The following MYBBP1A variants were observed in gnomAD, a reference collection of about 807,000 sequenced individuals.
MYBBP1A encodes the protein MYB binding protein 1a, also known as myb-binding protein 1A.
A neutral mutation model predicts 136.3 loss-of-function variants in MYBBP1A; 147 were observed. The observed-to-expected ratio is 1.08, with a 90% CI of 0.94 to 1.24. The LOEUF is 1.24. Among genes scored for constraint, MYBBP1A ranks in the 50% most tolerant of loss-of-function variants. MYBBP1A has a pLI of 0.00. For synonymous variants in MYBBP1A, 947 were observed against 735.8 expected (o/e 1.29, Z -4.65); for missense variants, 2,060 against 1,727.4 (o/e 1.19, Z -3.41).
rs761413942 is a variant in MYBBP1A at position 4,544,928 on chromosome 17, G to GACAGAGGC, written c.2311-15_2311-8dup. On this transcript the variant is annotated splice_region_variant and splice_polypyrimidine_tract_variant and intron_variant, in intron 17 of 25. Coordinates refer to ENST00000254718, the MANE Select transcript of MYBBP1A (RefSeq NM_014520.4). Reference sequence around the variant, plus strand: ...TCTCACTGTCCTCTCCACCCTGAGGGACAGAGGCCCAGCGGTCAGCCAGGC... The same window carrying GACAGAGGC: ...TCTCACTGTCCTCTCCACCCTGAGGGACAGAGGCACAGAGGCCCAGCGGTCAGCCAGGC... 127 of 1,596,236 alleles carry GACAGAGGC rather than the reference G, an allele frequency of 8.0e-5. No homozygotes were observed. In the African/African-American group the frequency reaches 1.6e-3, roughly 21 times the overall value.
rs1378500148 is a variant in MYBBP1A, at chr17:4,541,467, T to C, written c.3293A>G (p.His1098Arg). Residue 1098 changes from histidine (H) to arginine (R), a missense_variant, in exon 24 of 26, where the codon CAT (histidine) becomes CGT (arginine). Physicochemically the swap from His to Arg is conservative, Grantham distance 29. Transcript: ENST00000254718. ...CGGACTGGGCCCCCGCCTCACCTCA[T>C]GTTTGCAGGTCCTGAAGAGAACGTT... The part of the protein sequence containing the change: ...LLNVLFRTCK[H>R]EKLTLDLTVL... 3.1e-6 allele frequency: 5 copies of C among 1,612,732 alleles called. No individual in the cohort carries two copies. Among genetic ancestry groups the C allele is most frequent in the African/African-American group, 1.3e-5 (1 of 75,042 alleles).
Position 4,539,808 on chromosome 17 carries a change from TGCAGGTGTGCCATCCTCC to T in MYBBP1A, c.3576_3593del (p.Glu1193_Ala1198del). 1.2e-6 allele frequency: 2 copies of T among 1,611,910 alleles called. No homozygotes were observed. Among genetic ancestry groups the T allele is most frequent in the Non-Finnish European group, 1.7e-6 (2 of 1,179,974 alleles). On this transcript the variant is annotated inframe_deletion, in exon 26 of 26. Coordinates refer to ENST00000254718, the MANE Select transcript of MYBBP1A (RefSeq NM_014520.4). ...TGGGGGGCTGGCTCCCGCCGGTGGC[TGCAGGTGTGCCATCCTCC>T]GCTGGCGTGCCATCCTCTGACTTGC...
At chr17:4,543,533 C>T (rs1217463136) in intron 19 of MYBBP1A, among the ~76,000 whole-genome samples, 1 of 152,136 alleles carries the variant, frequency 6.6e-6, no homozygotes, top group African/African-American at 2.4e-5. Flanking sequence ...CCTCTGTGGC[C>T]CTGCAGGGCC....
chr17:4,550,967 G>A (rs1369579052), intron 8 of MYBBP1A, among the ~76,000 whole-genome samples: 1 of 152,244 alleles, frequency 6.6e-6, no homozygotes, highest in Non-Finnish European at 1.5e-5. Flanking sequence ...GGCTCCCAGT[G>A]GGATAGTGTC....
chr17:4,546,017 A>G, intron 13 of MYBBP1A, 75 bp from the exon 14 acceptor site: 1 of 1,381,362 alleles, frequency 7.2e-7, no homozygotes. Flanking sequence ...GGGGCTGGCC[A>G]AATGGCAGCA....
At chr17:4,553,944 A>G in intron 4 of MYBBP1A, 27 bp from the exon 5 acceptor site, 1 of 1,613,698 alleles carries the variant, frequency 6.2e-7, no homozygotes, top group South Asian at 1.1e-5. Context: ...GACAGAGGGT[A>G]TGAGCAGGGC....
chr17:4,543,888 TC>T (rs755269882), intron 19 of MYBBP1A, among the ~76,000 whole-genome samples: 1 of 142,460 alleles, frequency 7.0e-6, no homozygotes, highest in African/African-American at 2.8e-5. Context: ...CTCAGACCCT[TC>T]CCCACGCCAC....
At position 4,539,727 on chromosome 17, in the gene MYBBP1A, G is replaced by A. The variant is rs200782335; in HGVS notation, c.3675C>T (p.Asn1225=). Residue 1225 remains asparagine, a synonymous_variant, in exon 26 of 26, where the codon AAC becomes AAT. Transcript: ENST00000254718. ...CTGGACTCTTGGTGGTTGGCGTCCC[G>A]TTTGCCTGGGCTGGGACCTTAGCCT... ...RTKAKVPAQA[N]GTPTTKSPAP... 125 of 1,609,844 alleles carry A rather than the reference G, an allele frequency of 7.8e-5. No homozygotes were observed. Among genetic ancestry groups the A allele is most frequent in the Middle Eastern group, 1.6e-4 (1 of 6,070 alleles).
Position 4,544,766 on chromosome 17 carries a change from G to T in MYBBP1A, c.2466C>A (p.Arg822=), listed in dbSNP as rs368578952. ...NKLQKEKALR[R]DFQIRVLDLV... ...CCAGGCTCACCCGGATCTGGAAGTC[G>T]CGCCGCAGAGCCTTCTCCTTCTGCA... The change falls in exon 18 of 26, where the codon CGC becomes CGA. Residue 822 remains arginine (R), a synonymous_variant. Coordinates refer to ENST00000254718, the MANE Select transcript of MYBBP1A (RefSeq NM_014520.4). The T allele has an allele frequency of 2.0e-4, 309 of 1,572,248 alleles. 3 individuals carry two copies. The South Asian group carries it at 3.3e-3, about 17-fold the overall frequency.
chr17:4,547,920 C>T (rs780691638), intron 13 of MYBBP1A, 38 bp downstream of exon 13: 38 of 1,431,490 alleles, frequency 2.7e-5, no homozygotes, highest in Non-Finnish European at 3.4e-5. Context: ...TGCCATAGAA[C>T]CCCAGGCTCA....
In MYBBP1A at chr17:4,541,484, G is replaced by T. The variant is rs1394697696; in HGVS notation, c.3276C>A (p.Leu1092=). The T allele has an allele frequency of 6.2e-7, 1 of 1,613,512 alleles. No individual in the cohort carries two copies. Among genetic ancestry groups the T allele is most frequent in the Non-Finnish European group, 8.5e-7 (1 of 1,180,022 alleles). Residue 1092 remains leucine (L), a synonymous_variant, in exon 24 of 26, where the codon CTC becomes CTA. Transcript: ENST00000254718. ...TCACCTCATGTTTGCAGGTCCTGAA[G>T]AGAACGTTGAGCAGCTCCAGGGAGG... ...ALSSLELLNV[L]FRTCKHEKLT...
Position 4,539,174 on chromosome 17 carries a change from G to A in MYBBP1A, c.*241C>T. ...CACCAGAGCCCTGGACATGGCCCTG[G>A]AGCCAGGGTCCCAGCCCAGAACCGG... On this transcript the variant is annotated 3_prime_UTR_variant, in exon 26 of 26. Transcript: ENST00000254718. 1.4e-6 allele frequency: 2 copies of A among 1,454,384 alleles called. No homozygotes were observed. The highest frequency in any genetic ancestry group is 1.8e-6 in the Non-Finnish European group (2 of 1,113,090). 90.1% of individuals were successfully genotyped at this position (1,454,384 alleles called of 1,614,324 possible). A position where few individuals can be genotyped will look rare whatever the true frequency, so the allele number is the denominator to read the frequency against.
Position 4,554,287 on chromosome 17 carries a change from A to G in MYBBP1A, c.295-9T>C, listed in dbSNP as rs1302530008. On this transcript the variant is annotated splice_polypyrimidine_tract_variant and intron_variant, in intron 2 of 25. Transcript: ENST00000254718. ...TCAAAAGACTGTAACAGCTGCCAGG[A>G]GTTGTGTGGCAGGAGGAAGAGGGTT... The G allele has an allele frequency of 6.2e-7, 1 of 1,613,366 alleles. No homozygotes were observed. The highest frequency in any genetic ancestry group is 8.5e-7 in the Non-Finnish European group (1 of 1,179,468).
At chr17:4,545,200 A>T (rs1377203031) in intron 16 of MYBBP1A, 25 bp from the exon 17 acceptor site, 1 of 1,612,340 alleles carries the variant, frequency 6.2e-7, no homozygotes, top group Middle Eastern at 1.7e-4. Flanking sequence ...CAGGCGCGTC[A>T]CACACCTCCC....
chr17:4,542,825 G>A (rs1906578539), intron 20 of MYBBP1A, 84 bp from the exon 21 acceptor site: 2 of 1,601,336 alleles, frequency 1.2e-6, no homozygotes, highest in Non-Finnish European at 1.7e-6. Context: ...TTCATCAGAA[G>A]GCTGAGGGTT....
In MYBBP1A at chr17:4,545,092, GC is replaced by G. The variant is rs753853637; in HGVS notation, c.2243del (p.Arg748ProfsTer13). The part of the protein sequence containing the change: ...SEGEESEEEE[R>X]DGDVDQGFRE... ...GGAAGCCCTGATCCACGTCCCCGTCGCGCTCCTCCTCCTCGCTCTCCTCCCC... is the reference window on the plus strand; with the variant it reads ...GGAAGCCCTGATCCACGTCCCCGTCGGCTCCTCCTCCTCGCTCTCCTCCCC... On this transcript the variant is annotated frameshift_variant, in exon 17 of 26. Transcript: ENST00000254718. LOFTEE classifies it high-confidence loss of function. 1.9e-6 allele frequency: 3 copies of G among 1,590,580 alleles called. No homozygotes were observed. Among genetic ancestry groups the G allele is most frequent in the Non-Finnish European group, 1.7e-6 (2 of 1,170,102 alleles).
At position 4,542,488 on chromosome 17, in the gene MYBBP1A, C is replaced by T. The variant is rs547111905; in HGVS notation, c.3063G>A (p.Thr1021=). Reference sequence around the variant, plus strand: ...CCTGATGACGGGGCCGCACCGGGCCCGTGATATGCTGGACCAGGATGGGGA... The same window carrying T: ...CCTGATGACGGGGCCGCACCGGGCCTGTGATATGCTGGACCAGGATGGGGA... The part of the protein sequence containing the change: ...SLLPILVQHI[T]GPVRPRHQAC... Residue 1021 remains threonine, a synonymous_variant, in exon 22 of 26, where the codon ACG becomes ACA. Transcript: ENST00000254718. 145 of 1,611,394 alleles carry T rather than the reference C, an allele frequency of 9.0e-5. No homozygotes were observed. In the Admixed American group the frequency reaches 1.3e-3, roughly 15 times the overall value.
At position 4,539,115 on chromosome 17, in the gene MYBBP1A, A is replaced by G; in HGVS notation, c.*300T>C. 1 of 1,513,682 alleles carries G rather than the reference A, an allele frequency of 6.6e-7. No homozygotes were observed. The highest frequency in any genetic ancestry group is 8.8e-7 in the Non-Finnish European group (1 of 1,131,142). 93.8% of individuals were successfully genotyped at this position (1,513,682 alleles called of 1,614,324 possible). A position where few individuals can be genotyped will look rare whatever the true frequency, so the allele number is the denominator to read the frequency against. ...ACGAGAGATGGTCACACCTGCCTGC[A>G]GCCAGCACATCAACCTGCACCAACC... On this transcript the variant is annotated 3_prime_UTR_variant, in exon 26 of 26. Coordinates refer to ENST00000254718, the MANE Select transcript of MYBBP1A (RefSeq NM_014520.4).
chr17:4,553,806 A>G lies in MYBBP1A; in HGVS notation c.561+4T>C. Reference sequence around the variant, plus strand: ...CTGGGCCCGCACAGCTGGGGAGCTCATACCTCGGAGAGGATGTCCACCAGG... The same window carrying G: ...CTGGGCCCGCACAGCTGGGGAGCTCGTACCTCGGAGAGGATGTCCACCAGG... On this transcript the variant is annotated splice_donor_region_variant and intron_variant, in intron 5 of 25. Transcript: ENST00000254718. 2 of 1,613,604 alleles carry G rather than the reference A, an allele frequency of 1.2e-6. No homozygotes were observed. The highest frequency in any genetic ancestry group is 1.3e-5 in the African/African-American group (1 of 75,040).
Sources: allele counts gnomAD v4.1 joint callset (sites outside exome capture counted in the v4.1 genomes callset), GRCh38; gene constraint gnomAD v4.1.1; transcripts MANE v1.5; gene names NCBI Gene and HGNC (gene_info 2026-07-23, HGNC 2026-07-21).